The following SEMA6A variants were observed in gnomAD, a reference collection of about 807,000 sequenced individuals.
SEMA6A encodes the protein semaphorin-6A.
In SEMA6A, 25 loss-of-function variants were observed where a neutral mutation model predicts 96.8. That is an observed-to-expected ratio of 0.26 (90% CI 0.19 to 0.36). The LOEUF (loss-of-function observed/expected upper bound fraction) is 0.36, where lower values mean the gene tolerates loss of function less well. Ranked by LOEUF, SEMA6A falls within the 10% of genes least tolerant of loss-of-function variation. SEMA6A has a pLI of 1.00. For missense variants in SEMA6A, 1,363 were observed against 1,323.1 expected, an observed-to-expected ratio of 1.03 and a Z score of -0.47; for synonymous variants, 612 against 518.0, an observed-to-expected ratio of 1.18 and a Z score of -2.46.
intron 10 of SEMA6A, among the ~76,000 whole-genome samples, chr5:116,483,343 G>GT (rs1756885718): frequency 6.6e-6 from 1 of 152,092 alleles, no homozygotes. Context: ...ACCCACATTT[G>GT]TTTTTGACTA....
intron 2 of SEMA6A, among the ~76,000 whole-genome samples, chr5:116,504,077 C>T (rs1169051907): frequency 1.3e-5 from 2 of 152,104 alleles, no homozygotes; most frequent in East Asian, 3.9e-4. Context: ...CTTAGTATTG[C>T]ATATTAATGT....
rs111245368 is a variant in SEMA6A at position 116,557,838 on chromosome 5, A to G, written c.-39+16347T>C. Among the ~76,000 whole-genome samples the G allele has an allele frequency of 4.1e-3, 624 of 152,364 alleles. 5 individuals carry two copies. The highest frequency in any genetic ancestry group is 0.014 in the African/African-American group (600 of 41,588). On this transcript the variant is annotated intron_variant, in intron 1 of 18. Coordinates refer to ENST00000343348, the MANE Select transcript of SEMA6A (RefSeq NM_020796.5). ...TTGTCACCTTTCCGGGGATCTAAAC[A>G]AAAGTGGTTGTGCTGAGATTCAGTA...
intron 15 of SEMA6A, among the ~76,000 whole-genome samples, chr5:116,477,326 C>A (rs781399222): frequency 1.3e-5 from 2 of 152,184 alleles, no homozygotes; most frequent in African/African-American, 2.4e-5. Flanking sequence ...AATTGATTGA[C>A]GGCCTGATGA....
At chr5:116,487,008 T>G (rs767553842) in intron 9 of SEMA6A, 42 bp from the exon 10 acceptor site, 1 of 1,432,790 alleles carries the variant, frequency 7.0e-7, no homozygotes, top group East Asian at 2.3e-5. Context: ...ATGCATTCAT[T>G]TTGCAAGGAG....
At chr5:116,547,391 G>T (rs945741181) in intron 1 of SEMA6A, among the ~76,000 whole-genome samples, 1 of 152,078 alleles carries the variant, frequency 6.6e-6, no homozygotes, top group East Asian at 1.9e-4. Flanking sequence ...TCTTTTTAAA[G>T]ATTCAAACAT....
chr5:116,493,295 T>G (rs940332681), intron 6 of SEMA6A, among the ~76,000 whole-genome samples: 1 of 152,194 alleles, frequency 6.6e-6, no homozygotes, highest in Non-Finnish European at 1.5e-5. Context: ...GCATTAATCT[T>G]AATGAGTCCT....
intron 1 of SEMA6A, among the ~76,000 whole-genome samples, chr5:116,534,178 T>TC (rs1759613856): frequency 6.6e-6 from 1 of 152,222 alleles, no homozygotes; most frequent in Admixed American, 6.5e-5. Flanking sequence ...AATCAGACTA[T>TC]CTACTGGATC....
At chr5:116,480,299 G>A (rs762350198) in intron 11 of SEMA6A, 22 bp from the exon 12 acceptor site, 1 of 1,612,214 alleles carries the variant, frequency 6.2e-7, no homozygotes, top group South Asian at 1.1e-5. Context: ...CAAAGGGTGA[G>A]GAAGGAGGGA....
intron 3 of SEMA6A, among the ~76,000 whole-genome samples, chr5:116,500,526 CT>C (rs1366004357): frequency 1.3e-5 from 2 of 152,056 alleles, no homozygotes. Flanking sequence ...TAAAGTAAAA[CT>C]TTAGGAAAGT....
chr5:116,527,273 A>C (rs965858346), intron 1 of SEMA6A, among the ~76,000 whole-genome samples: 2 of 152,196 alleles, frequency 1.3e-5, no homozygotes, highest in African/African-American at 4.8e-5. Flanking sequence ...GAAGCAATTG[A>C]ATATTTCTGC....
At chr5:116,468,054 CT>C (rs1449362273) in intron 17 of SEMA6A, 10 of 338,064 alleles carry the variant, frequency 3.0e-5, no homozygotes, top group African/African-American at 1.9e-4. Flanking sequence ...AAAGATACCT[CT>C]CGGTGTTGGG....
At chr5:116,533,174 G>A (rs1487534807) in intron 1 of SEMA6A, among the ~76,000 whole-genome samples, 1 of 151,918 alleles carries the variant, frequency 6.6e-6, no homozygotes, top group Admixed American at 6.6e-5. Flanking sequence ...AAAATGCTCT[G>A]TACAACTAAA....
intron 1 of SEMA6A, among the ~76,000 whole-genome samples, chr5:116,535,744 T>TTC (rs1343807623): frequency 6.6e-6 from 1 of 152,162 alleles, no homozygotes; most frequent in African/African-American, 2.4e-5. Context: ...GGTGTGGAGC[T>TTC]TCTGCTCCAG....
At chr5:116,518,750 G>A (rs1008896353) in intron 1 of SEMA6A, among the ~76,000 whole-genome samples, 4 of 152,172 alleles carry the variant, frequency 2.6e-5, no homozygotes, top group Non-Finnish European at 4.4e-5. Flanking sequence ...ACTTAGCCCT[G>A]GTTACTGGGA....
chr5:116,450,617 A>C (rs1376243613), intron 18 of SEMA6A, among the ~76,000 whole-genome samples: 1 of 152,154 alleles, frequency 6.6e-6, no homozygotes, highest in Non-Finnish European at 1.5e-5. Context: ...TTTTTAGTGG[A>C]TGATATTTGA....
chr5:116,478,211 CA>C (rs1756562918), intron 13 of SEMA6A, 57 bp from the exon 14 acceptor site: 3 of 1,571,674 alleles, frequency 1.9e-6, no homozygotes, highest in Non-Finnish European at 2.6e-6. Context: ...TTCTCGGCCC[CA>C]CCCTCACATC....
At chr5:116,495,242 A>G (rs949543297) in intron 6 of SEMA6A, among the ~76,000 whole-genome samples, 171 bp downstream of exon 6, 1 of 152,218 alleles carries the variant, frequency 6.6e-6, no homozygotes, top group African/African-American at 2.4e-5. Context: ...AACAAACAGG[A>G]AGCTTAGAAG....
Position 116,482,448 on chromosome 5 carries a change from G to A in SEMA6A, c.1090C>T (p.Pro364Ser), listed in dbSNP as rs1269838160. ...TPVPDERVPK[P>S]RPGCCAGSSS... Reference sequence around the variant, plus strand: ...CATATGAATATTTGCACATACCTGGGCTTAGGAACTCGTTCATCAGGAACT... The same window carrying A: ...CATATGAATATTTGCACATACCTGGACTTAGGAACTCGTTCATCAGGAACT... Residue 364 changes from proline (P) to serine (S), a missense_variant, in exon 11 of 19, where the codon CCC becomes TCC. Transcript: ENST00000343348. 2 of 1,612,982 alleles carry A rather than the reference G, an allele frequency of 1.2e-6. No individual in the cohort carries two copies. The highest frequency in any genetic ancestry group is 1.7e-6 in the Non-Finnish European group (2 of 1,179,364).
At chr5:116,549,543 C>T (rs1255509771) in intron 1 of SEMA6A, among the ~76,000 whole-genome samples, 1 of 152,126 alleles carries the variant, frequency 6.6e-6, no homozygotes, top group Non-Finnish European at 1.5e-5. Flanking sequence ...TCATCTCCAC[C>T]AACATTGCCC....
Sources: gnomAD v4.1 joint callset for allele counts (sites outside exome capture counted in the v4.1 genomes callset) on GRCh38, gnomAD v4.1.1 for gene constraint, MANE v1.5 for transcripts, NCBI Gene and HGNC (gene_info 2026-07-23, HGNC 2026-07-21) for gene names.